The following INPP4B variants were observed in gnomAD, a reference collection of about 807,000 sequenced individuals.
The protein encoded by INPP4B is inositol polyphosphate-4-phosphatase type II B.
INPP4B carries 55 observed loss-of-function variants against 122.5 expected under a neutral mutation model. The observed-to-expected ratio is 0.45, with a 90% CI of 0.36 to 0.56. The LOEUF (loss-of-function observed/expected upper bound fraction) is 0.56, where lower values mean the gene tolerates loss of function less well. Among genes scored for constraint, INPP4B ranks in the 20% least tolerant of loss-of-function variants. The pLI is 0.00. For synonymous variants in INPP4B, 403 were observed against 388.7 expected (o/e 1.04, Z -0.43); for missense variants, 1,000 against 1,097.7 (o/e 0.91, Z 1.26).
chr4:142,143,835 C>T (rs1809182534), intron 18 of INPP4B, among the ~76,000 whole-genome samples: 1 of 151,906 alleles, frequency 6.6e-6, no homozygotes, highest in Non-Finnish European at 1.5e-5. Flanking sequence ...CGTTTACAGT[C>T]ATTATAATAC....
intron 10 of INPP4B, among the ~76,000 whole-genome samples, chr4:142,263,332 T>G (rs1185057726): frequency 6.6e-6 from 1 of 152,158 alleles, no homozygotes; most frequent in Admixed American, 6.5e-5. Context: ...CTTTGACTAC[T>G]TCAAAAGTTG....
At chr4:142,228,119 T>A (rs971766244) in intron 12 of INPP4B, among the ~76,000 whole-genome samples, 5 of 151,836 alleles carry the variant, frequency 3.3e-5, no homozygotes, top group Non-Finnish European at 7.4e-5. Context: ...TCACAAATAT[T>A]TTTTTATCAC....
intron 25 of INPP4B, among the ~76,000 whole-genome samples, chr4:142,065,617 T>C (rs1763120696): frequency 6.6e-6 from 1 of 152,138 alleles, no homozygotes; most frequent in Admixed American, 6.5e-5. Flanking sequence ...ACGAATTGTA[T>C]AAATCTATTT....
At chr4:142,550,609 T>C (rs372925999) in intron 2 of INPP4B, among the ~76,000 whole-genome samples, 448 of 23,020 alleles carry the variant, frequency 0.019, 1 homozygote, top group African/African-American at 0.047. Flanking sequence ...CACACACATA[T>C]ATATATATAT....
chr4:142,239,645 C>T (rs538231566), intron 11 of INPP4B, among the ~76,000 whole-genome samples: 1 of 152,138 alleles, frequency 6.6e-6, no homozygotes, highest in South Asian at 2.1e-4. Flanking sequence ...TATAGTATCT[C>T]TGGAATAGGA....
At chr4:142,085,801 G>T (rs773216698) in intron 24 of INPP4B, among the ~76,000 whole-genome samples, 10 of 152,162 alleles carry the variant, frequency 6.6e-5, no homozygotes, top group Non-Finnish European at 1.2e-4. Flanking sequence ...GAAACCATAT[G>T]TCTCTAAAGC....
intron 2 of INPP4B, among the ~76,000 whole-genome samples, chr4:142,630,140 C>G (rs111664791): frequency 6.7e-4 from 102 of 152,054 alleles, no homozygotes; most frequent in African/African-American, 2.4e-3. Flanking sequence ...AAAAGCTTGT[C>G]CAAAGTAGGG....
intron 7 of INPP4B, among the ~76,000 whole-genome samples, chr4:142,356,348 C>T (rs1425544633): frequency 6.6e-6 from 1 of 150,492 alleles, no homozygotes; most frequent in East Asian, 2.0e-4. Context: ...AGATGTGTGG[C>T]CTACTTTTCT....
intron 9 of INPP4B, among the ~76,000 whole-genome samples, chr4:142,276,028 A>G (rs183209142): frequency 6.8e-4 from 103 of 151,802 alleles, no homozygotes; most frequent in African/African-American, 2.3e-3. Flanking sequence ...TTCTCCAAAA[A>G]CCAAAACCAA....
At chr4:142,604,252 A>G (rs1740714985) in intron 2 of INPP4B, among the ~76,000 whole-genome samples, 1 of 152,164 alleles carries the variant, frequency 6.6e-6, no homozygotes, top group Non-Finnish European at 1.5e-5. Context: ...GCCATATATT[A>G]CAAACCCATA....
At chr4:142,037,600 C>G (rs1054713328) in intron 25 of INPP4B, among the ~76,000 whole-genome samples, 1 of 152,166 alleles carries the variant, frequency 6.6e-6, no homozygotes, top group African/African-American at 2.4e-5. Flanking sequence ...AAAATGAGAA[C>G]ATTTCACATT....
intron 5 of INPP4B, chr4:142,423,556 A>T (rs114202440): frequency 0.016 from 2,910 of 180,728 alleles, 104 homozygotes; most frequent in African/African-American, 0.066. Context: ...ACCACCAAAG[A>T]GGATAAGCAC....
At chr4:142,559,025 C>T (rs962396428) in intron 2 of INPP4B, among the ~76,000 whole-genome samples, 1 of 151,972 alleles carries the variant, frequency 6.6e-6, no homozygotes, top group Non-Finnish European at 1.5e-5. Context: ...CTCCATGCAG[C>T]CAAAAGTGGA....
chr4:142,081,918 C>T, intron 25 of INPP4B, 113 bp downstream of exon 25: 1 of 637,190 alleles, frequency 1.6e-6, no homozygotes, highest in Non-Finnish European at 2.4e-6. Context: ...CATGAAAATG[C>T]AGTAAAGTTC....
At chr4:142,449,026 T>C (rs1246961731) in intron 3 of INPP4B, among the ~76,000 whole-genome samples, 1 of 152,142 alleles carries the variant, frequency 6.6e-6, no homozygotes, top group African/African-American at 2.4e-5. Context: ...GGAAAACCAA[T>C]CGCATCAGGA....
intron 2 of INPP4B, chr4:142,496,936 T>A (rs59419951): frequency 4.0e-5 from 5 of 123,622 alleles, no homozygotes; most frequent in Non-Finnish European, 8.6e-5. Flanking sequence ...AATTATAAAC[T>A]GGCAAATAGC....
chr4:142,807,286 A>C (rs540067620), intron 1 of INPP4B, among the ~76,000 whole-genome samples: 1 of 152,342 alleles, frequency 6.6e-6, no homozygotes, highest in East Asian at 1.9e-4. Flanking sequence ...GGTATCTTGT[A>C]CCAATTTTGA....
At chr4:142,124,270 T>G (rs1797756765) in intron 19 of INPP4B, among the ~76,000 whole-genome samples, 1 of 152,106 alleles carries the variant, frequency 6.6e-6, no homozygotes, top group Non-Finnish European at 1.5e-5. Context: ...AACAGTCCCT[T>G]CCCTTACACT....
chr4:142,121,114 T>C (rs1796368165), intron 21 of INPP4B, among the ~76,000 whole-genome samples: 1 of 152,092 alleles, frequency 6.6e-6, no homozygotes, highest in East Asian at 1.9e-4. Flanking sequence ...GAGAGAAATA[T>C]AGAATTGTAC....
Sources: allele counts gnomAD v4.1 joint callset (sites outside exome capture counted in the v4.1 genomes callset), GRCh38; gene constraint gnomAD v4.1.1; transcripts MANE v1.5; gene names NCBI Gene and HGNC (gene_info 2026-07-23, HGNC 2026-07-21).